NLGN1: variants seen among roughly 807,000 people sequenced by gnomAD.
NLGN1 encodes neuroligin-1.
NLGN1 carries 12 observed loss-of-function variants against 65.5 expected under a neutral mutation model. That is an observed-to-expected ratio of 0.18 (90% confidence interval 0.12 to 0.30). NLGN1 has a LOEUF of 0.30. NLGN1 is among the 10% of genes least tolerant of loss of function. The pLI is 1.00. For synonymous variants in NLGN1, 350 were observed against 359.5 expected (o/e 0.97, Z 0.30); for missense variants, 750 against 1,007.1 (o/e 0.74, Z 3.46).
intron 4 of NLGN1, among the ~76,000 whole-genome samples, chr3:173,954,964 T>G (rs548576527): frequency 9.7e-4 from 148 of 152,238 alleles, no homozygotes; most frequent in African/African-American, 3.5e-3. Context: ...ATTTTTTTTT[T>G]CAGTCTAGGG....
intron 4 of NLGN1, among the ~76,000 whole-genome samples, chr3:173,884,148 T>C (rs78660941): frequency 0.011 from 1,719 of 152,242 alleles, 38 homozygotes; most frequent in African/African-American, 0.036. Context: ...GTTTGCAATG[T>C]CTTACTAACT....
chr3:173,458,461 C>T (rs1421244987), intron 2 of NLGN1, among the ~76,000 whole-genome samples: 2 of 151,990 alleles, frequency 1.3e-5, no homozygotes, highest in East Asian at 3.9e-4. Flanking sequence ...CCTCTGCATT[C>T]GATCCTGCCA....
intron 3 of NLGN1, among the ~76,000 whole-genome samples, chr3:173,645,563 GCA>G (rs1758115163): frequency 6.6e-6 from 1 of 152,176 alleles, no homozygotes; most frequent in Non-Finnish European, 1.5e-5. Context: ...GCCCTTCAAT[GCA>G]CAGTCAGGCC....
At chr3:173,678,161 T>TG (rs1442216487) in intron 3 of NLGN1, among the ~76,000 whole-genome samples, 2 of 152,094 alleles carry the variant, frequency 1.3e-5, no homozygotes, top group Non-Finnish European at 2.9e-5. Flanking sequence ...GCCTTTAATG[T>TG]GACAAGGGCA....
chr3:173,911,138 TTTA>T (rs1187548445), intron 4 of NLGN1, among the ~76,000 whole-genome samples: 1 of 152,174 alleles, frequency 6.6e-6, no homozygotes, highest in Non-Finnish European at 1.5e-5. Context: ...CCAAAGAGAA[TTTA>T]TTAAGAAAGC....
intron 3 of NLGN1, among the ~76,000 whole-genome samples, chr3:173,691,957 G>T (rs1765526559): frequency 2.0e-5 from 3 of 152,002 alleles, no homozygotes; most frequent in African/African-American, 7.2e-5. Flanking sequence ...ACTGCACAAT[G>T]CATCTCTTTA....
intron 2 of NLGN1, among the ~76,000 whole-genome samples, chr3:173,546,343 C>A (rs1301985574): frequency 6.6e-6 from 1 of 152,048 alleles, no homozygotes; most frequent in Non-Finnish European, 1.5e-5. Context: ...GTATATTTTT[C>A]CCGTACCGTG....
intron 4 of NLGN1, among the ~76,000 whole-genome samples, chr3:174,103,950 G>A (rs1713145433): frequency 6.6e-6 from 1 of 151,698 alleles, no homozygotes; most frequent in Non-Finnish European, 1.5e-5. Context: ...TAGATTACTG[G>A]CAACATTTCT....
At chr3:173,619,882 C>T (rs1753708730) in intron 3 of NLGN1, among the ~76,000 whole-genome samples, 1 of 152,122 alleles carries the variant, frequency 6.6e-6, no homozygotes, top group African/African-American at 2.4e-5. Flanking sequence ...GGTAATGATA[C>T]TTGAAATGAC....
At chr3:173,930,830 G>A (rs987350769) in intron 4 of NLGN1, among the ~76,000 whole-genome samples, 1 of 152,182 alleles carries the variant, frequency 6.6e-6, no homozygotes, top group African/African-American at 2.4e-5. Context: ...GTCTCCAGGA[G>A]ATAGAATTGT....
intron 3 of NLGN1, among the ~76,000 whole-genome samples, chr3:173,662,830 A>T (rs1349490149): frequency 6.6e-6 from 1 of 151,978 alleles, no homozygotes; most frequent in African/African-American, 2.4e-5. Context: ...TCACAAGGTA[A>T]CTCCATAACC....
At chr3:174,045,543 G>A (rs1670543776) in intron 4 of NLGN1, among the ~76,000 whole-genome samples, 1 of 152,014 alleles carries the variant, frequency 6.6e-6, no homozygotes. Flanking sequence ...GAGATACAGA[G>A]CCAGACTATA....
At chr3:173,980,342 A>T in intron 4 of NLGN1, among the ~76,000 whole-genome samples, 1 of 151,984 alleles carries the variant, frequency 6.6e-6, no homozygotes, top group East Asian at 1.9e-4. Context: ...AGTATATATA[A>T]AATATTATAG....
At chr3:173,670,754 A>G (rs1762335727) in intron 3 of NLGN1, among the ~76,000 whole-genome samples, 1 of 152,202 alleles carries the variant, frequency 6.6e-6, no homozygotes. Context: ...GCAGGAGCCT[A>G]TCAATTTTTA....
intron 3 of NLGN1, among the ~76,000 whole-genome samples, chr3:173,634,565 T>G (rs1756273691): frequency 6.6e-6 from 1 of 152,186 alleles, no homozygotes; most frequent in Non-Finnish European, 1.5e-5. Context: ...AATGCATATC[T>G]TTTTTGACTA....
chr3:174,206,267 T>C (rs966088054), intron 4 of NLGN1, among the ~76,000 whole-genome samples: 3 of 152,162 alleles, frequency 2.0e-5, no homozygotes, highest in Non-Finnish European at 4.4e-5. Context: ...CTTTCTTCAC[T>C]TGGTCTCCTC....
chr3:174,103,716 AG>A (rs908937177), intron 4 of NLGN1, among the ~76,000 whole-genome samples: 5 of 152,142 alleles, frequency 3.3e-5, no homozygotes, highest in Non-Finnish European at 7.4e-5. Flanking sequence ...ATTACCTATT[AG>A]AATCACACCT....
intron 4 of NLGN1, among the ~76,000 whole-genome samples, chr3:173,883,071 C>G (rs916055358): frequency 4.7e-5 from 7 of 150,198 alleles, no homozygotes; most frequent in African/African-American, 1.7e-4. Context: ...TCTTTGTATT[C>G]ACAACTGGGC....
At chr3:173,529,761 A>G (rs920347332) in intron 2 of NLGN1, among the ~76,000 whole-genome samples, 3 of 152,064 alleles carry the variant, frequency 2.0e-5, no homozygotes, top group African/African-American at 4.8e-5. Context: ...CTGTTCGTCA[A>G]TGCAGTAATG....
Sources: gnomAD v4.1 joint callset for allele counts (sites outside exome capture counted in the v4.1 genomes callset) on GRCh38, gnomAD v4.1.1 for gene constraint, MANE v1.5 for transcripts, NCBI Gene and HGNC (gene_info 2026-07-23, HGNC 2026-07-21) for gene names.